Variants in MYO9A observed in about 807,000 individuals in gnomAD.
MYO9A encodes the protein myosin IXA, also known as unconventional myosin-IXa.
Under a neutral mutation model 293.3 loss-of-function variants are expected in MYO9A, and 103 were observed. That is an observed-to-expected ratio of 0.35 (90% confidence interval 0.30 to 0.41). The LOEUF (loss-of-function observed/expected upper bound fraction) is 0.41, where lower values mean the gene tolerates loss of function less well. MYO9A is among the 10% of genes least tolerant of loss of function. MYO9A has a pLI of 1.00. For missense variants in MYO9A, 2,685 were observed against 3,033.0 expected, an observed-to-expected ratio of 0.89 and a Z score of 2.69; for synonymous variants, 1,001 against 1,035.7, an observed-to-expected ratio of 0.97 and a Z score of 0.64.
chr15:71,949,540 T>TC (rs1417657175), intron 15 of MYO9A, among the ~76,000 whole-genome samples: 1 of 152,050 alleles, frequency 6.6e-6, no homozygotes, highest in African/African-American at 2.4e-5. Context: ...CTTCAGTTTT[T>TC]CCCACACAAG....
intron 6 of MYO9A, among the ~76,000 whole-genome samples, chr15:72,011,733 C>G (rs892246741): frequency 6.6e-6 from 1 of 152,184 alleles, no homozygotes; most frequent in Admixed American, 6.5e-5. Context: ...AGTCATAAAT[C>G]TCTTTACTGT....
At chr15:71,860,647 A>G (rs1318481247) in intron 33 of MYO9A, among the ~76,000 whole-genome samples, 1 of 152,102 alleles carries the variant, frequency 6.6e-6, no homozygotes, top group East Asian at 1.9e-4. Context: ...GATAACAACA[A>G]AGAAAGTTAG....
chr15:71,892,859 G>A, intron 26 of MYO9A: 1 of 683,018 alleles, frequency 1.5e-6, no homozygotes, highest in South Asian at 2.0e-5. Flanking sequence ...GGTTTCCCAT[G>A]CACAAACCAT....
chr15:71,959,773 C>T (rs111912604), intron 14 of MYO9A, 128 bp downstream of exon 14: 115 of 794,412 alleles, frequency 1.4e-4, no homozygotes, highest in African/African-American at 1.4e-3. Flanking sequence ...ACTAGATTGA[C>T]TACAGAAGCA....
chr15:71,993,138 GT>G, intron 10 of MYO9A, among the ~76,000 whole-genome samples: 1 of 152,200 alleles, frequency 6.6e-6, no homozygotes, highest in African/African-American at 2.4e-5. Context: ...GTCACTTGAG[GT>G]CAGGTGTTCG....
intron 1 of MYO9A, among the ~76,000 whole-genome samples, chr15:72,111,722 G>A (rs979650876): frequency 2.7e-5 from 4 of 149,760 alleles, no homozygotes; most frequent in African/African-American, 9.9e-5. Flanking sequence ...CTGCAGCCTC[G>A]ACCTCCCAGG....
At chr15:71,907,942 A>G (rs2057716932) in intron 19 of MYO9A, among the ~76,000 whole-genome samples, 1 of 151,930 alleles carries the variant, frequency 6.6e-6, no homozygotes, top group Admixed American at 6.5e-5. Flanking sequence ...GAAGCTCTTT[A>G]GTTTAATTAG....
At chr15:71,880,270 C>A in intron 29 of MYO9A, 65 bp downstream of exon 29, 1 of 1,311,110 alleles carries the variant, frequency 7.6e-7, no homozygotes, top group Non-Finnish European at 1.1e-6. Flanking sequence ...AGAGTATATC[C>A]TGATATACAC....
At chr15:72,024,737 T>C (rs1037589500) in intron 4 of MYO9A, among the ~76,000 whole-genome samples, 3 of 152,186 alleles carry the variant, frequency 2.0e-5, no homozygotes, top group Admixed American at 6.5e-5. Flanking sequence ...GTTTGTTGTA[T>C]ACTATCAAAA....
Position 71,916,473 on chromosome 15 carries a change from G to T in MYO9A, c.2582C>A (p.Ser861Tyr). The change falls in exon 19 of 42, where the codon TCT becomes TAT. Residue 861 changes from serine (S) to tyrosine (Y), a missense_variant. Physicochemically the swap from Ser to Tyr is moderately radical, Grantham distance 144. This residue lies in a region of MYO9A where 1,434 missense variants were observed against 1,497.7 expected (regional missense o/e 0.96). Transcript: ENST00000356056. ...ALPKHLLEVN[S>Y]LKHLTRLTLQ... ...TGTCAGTCTTGTCAGGTGCTTTAAAGAATTTACTTCTAGCAAGTGCTGAAA... is the reference window on the plus strand; with the variant it reads ...TGTCAGTCTTGTCAGGTGCTTTAAATAATTTACTTCTAGCAAGTGCTGAAA... 1 of 1,609,184 alleles carries T rather than the reference G, an allele frequency of 6.2e-7. No homozygotes were observed. The highest frequency in any genetic ancestry group is 1.1e-5 in the South Asian group (1 of 89,684).
chr15:71,898,218 G>C lies in MYO9A; in HGVS notation c.4285C>G (p.Leu1429Val). 6.2e-7 allele frequency: 1 copy of C among 1,614,096 alleles called. No individual in the cohort carries two copies. Among genetic ancestry groups the C allele is most frequent in the East Asian group, 2.2e-5 (1 of 44,892 alleles). Residue 1429 changes from leucine (L) to valine (V), a missense_variant, in exon 25 of 42, where the codon CTG becomes GTG. Leu to Val is a conservative substitution (Grantham distance 32, BLOSUM62 1). Coordinates refer to ENST00000356056, the MANE Select transcript of MYO9A (RefSeq NM_006901.4). ...GTGTCTAGTTGGGAATTTGTTTTCA[G>C]TGGGTCTTGTTGGGGGATATAAAAA... ...TFFYIPQQDP[L>V]KTNSQLDTSI...
chr15:71,826,102 G>GT lies in MYO9A; in HGVS notation c.*477dup, dbSNP rs1555456892. 1 of 145,934 alleles carries GT rather than the reference G, an allele frequency of 6.9e-6. No homozygotes were observed. The highest frequency in any genetic ancestry group is 2.5e-5 in the African/African-American group (1 of 39,646). The allele number at this position is 145,934 out of a possible 1,614,324, so 9.0% of individuals were successfully genotyped here. On this transcript the variant is annotated 3_prime_UTR_variant, in exon 42 of 42. Coordinates refer to ENST00000356056, the MANE Select transcript of MYO9A (RefSeq NM_006901.4). ...GAGGGATTAGGCTTTTTGTTTGTAA[G>GT]TAAGTTTTTGGAAAAAAATTATATT...
chr15:71,942,042 A>C (rs566670800), intron 15 of MYO9A, among the ~76,000 whole-genome samples: 30 of 152,176 alleles, frequency 2.0e-4, no homozygotes, highest in Middle Eastern at 6.9e-3. Flanking sequence ...TAACTACACC[A>C]ACAAATCAAT....
chr15:71,987,117 C>T (rs1282390566), intron 11 of MYO9A, among the ~76,000 whole-genome samples: 2 of 152,098 alleles, frequency 1.3e-5, no homozygotes, highest in African/African-American at 4.8e-5. Context: ...GCATGCTGTA[C>T]AGGTTTGTGG....
intron 15 of MYO9A, 115 bp downstream of exon 15, chr15:71,951,662 G>T (rs949550304): frequency 7.5e-6 from 9 of 1,195,380 alleles, no homozygotes; most frequent in Middle Eastern, 2.0e-4. Context: ...CTGCTCAGAG[G>T]TTTATGGAGG....
intron 1 of MYO9A, among the ~76,000 whole-genome samples, chr15:72,071,024 G>A (rs2079174262): frequency 6.6e-6 from 1 of 152,112 alleles, no homozygotes; most frequent in Non-Finnish European, 1.5e-5. Flanking sequence ...GACCTCAAAA[G>A]AAACTGCAAT....
Position 71,897,666 on chromosome 15 carries a change from G to A in MYO9A, c.4837C>T (p.Gln1613Ter). ...GATAATTCCTTGACAGTACTAGATT[G>A]GCATGGACTTCCTTTTCTTTCAAAG... is the stretch of plus-strand genomic sequence containing the variant. ...VFFERKGSPC[Q>*]SSTVKELSKT... The change falls in exon 25 of 42, where the codon CAA becomes TAA. Residue 1613 changes from glutamine to a stop codon, truncating the protein, a stop_gained. Coordinates refer to ENST00000356056, the MANE Select transcript of MYO9A (RefSeq NM_006901.4). LOFTEE classifies it high-confidence loss of function. 6.2e-7 allele frequency: 1 copy of A among 1,614,154 alleles called. No homozygotes were observed. The highest frequency in any genetic ancestry group is 8.5e-7 in the Non-Finnish European group (1 of 1,180,018).
chr15:71,912,108 G>C (rs1241846462), intron 19 of MYO9A, among the ~76,000 whole-genome samples: 1 of 151,898 alleles, frequency 6.6e-6, no homozygotes, highest in Non-Finnish European at 1.5e-5. Context: ...ACTATACCAT[G>C]TTCTGTATAG....
rs755473005 is a variant in MYO9A, at chr15:71,878,143, T to C, written c.5828A>G (p.Asp1943Gly). The part of the protein sequence containing the change: ...LEKTMRLEQR[D>G]SLGESPVRVW... ...TCTCACTGGAGATTCACCCAGTGAATCACGCTGCTCAAGCCTCATCGTCTT... is the reference window on the plus strand; with the variant it reads ...TCTCACTGGAGATTCACCCAGTGAACCACGCTGCTCAAGCCTCATCGTCTT... Residue 1943 changes from aspartate (D) to glycine (G), a missense_variant, in exon 31 of 42, where the codon GAT becomes GGT. By Grantham distance (94) the Asp-to-Gly change is moderately conservative. Coordinates refer to ENST00000356056, the MANE Select transcript of MYO9A (RefSeq NM_006901.4). The C allele has an allele frequency of 1.2e-6, 2 of 1,613,108 alleles. No individual in the cohort carries two copies. Among genetic ancestry groups the C allele is most frequent in the South Asian group, 2.2e-5 (2 of 90,944 alleles).
Sources: gnomAD v4.1 joint callset for allele counts (sites outside exome capture counted in the v4.1 genomes callset) on GRCh38, gnomAD v4.1.1 for gene constraint, gnomAD v4.1.1 regional missense constraint, MANE v1.5 for transcripts, NCBI Gene and HGNC (gene_info 2026-07-23, HGNC 2026-07-21) for gene names.